The following MTMR3 variants were observed in gnomAD, a reference collection of about 807,000 sequenced individuals.
The protein encoded by MTMR3 is myotubularin related protein 3, also known as phosphatidylinositol-3,5-bisphosphate 3-phosphatase MTMR3.
A neutral mutation model predicts 132.4 loss-of-function variants in MTMR3; 32 were observed. The ratio of observed to expected loss-of-function variants is 0.24; its 90% confidence interval spans 0.18 to 0.32. The LOEUF (loss-of-function observed/expected upper bound fraction) is 0.32, where lower values mean the gene tolerates loss of function less well. MTMR3 is among the 10% of genes least tolerant of loss of function. MTMR3 has a pLI of 1.00. For missense variants in MTMR3, 1,216 were observed against 1,489.6 expected, an observed-to-expected ratio of 0.82 and a Z score of 3.02; for synonymous variants, 556 against 550.3, an observed-to-expected ratio of 1.01 and a Z score of -0.14.
At chr22:29,953,578 G>A (rs2066124890) in intron 1 of MTMR3, among the ~76,000 whole-genome samples, 1 of 152,134 alleles carries the variant, frequency 6.6e-6, no homozygotes. Flanking sequence ...TCCAGTGAAA[G>A]CTGCATGATG....
chr22:29,928,171 C>CTTT (rs66896756), intron 1 of MTMR3, among the ~76,000 whole-genome samples: 10 of 107,700 alleles, frequency 9.3e-5, no homozygotes, highest in African/African-American at 2.9e-4. Context: ...TTTTTTTTTT[C>CTTT]TTTTTTTTTT....
At chr22:29,894,599 A>G (rs1468995658) in intron 1 of MTMR3, among the ~76,000 whole-genome samples, 1 of 151,768 alleles carries the variant, frequency 6.6e-6, no homozygotes, top group African/African-American at 2.4e-5. Context: ...GGTTTATATT[A>G]ATACATCTAA....
rs562172828 is a variant in MTMR3 at position 29,906,524 on chromosome 22, C to T, written c.-138+23165C>T. ...TTTTTTTTTGTATTTTTAATAGAGA[C>T]GGAGTTTCACCATGTTGGCCAGGCT... On this transcript the variant is annotated intron_variant, in intron 1 of 19. Coordinates refer to ENST00000401950, the MANE Select transcript of MTMR3 (RefSeq NM_021090.4). Among the ~76,000 whole-genome samples, 88 of 151,546 alleles carry T rather than the reference C, an allele frequency of 5.8e-4. 1 individual carries two copies. The highest frequency in any genetic ancestry group is 1.9e-3 in the African/African-American group (80 of 41,308).
At chr22:29,922,039 T>G (rs1043506772) in intron 1 of MTMR3, among the ~76,000 whole-genome samples, 1 of 151,786 alleles carries the variant, frequency 6.6e-6, no homozygotes, top group Non-Finnish European at 1.5e-5. Context: ...TCTTTTTTTT[T>G]TTTTGAGATG....
intron 1 of MTMR3, among the ~76,000 whole-genome samples, chr22:29,952,345 A>G (rs1277758374): frequency 6.6e-6 from 1 of 152,058 alleles, no homozygotes; most frequent in East Asian, 1.9e-4. Flanking sequence ...GGAACCCTGA[A>G]AACTTCCAGA....
At chr22:29,978,561 T>TA in intron 4 of MTMR3, 30 bp downstream of exon 4, 2 of 1,555,594 alleles carry the variant, frequency 1.3e-6, no homozygotes, top group Non-Finnish European at 1.8e-6. Context: ...AAATGTAAAA[T>TA]ATTTATTTAG....
intron 2 of MTMR3, among the ~76,000 whole-genome samples, chr22:29,964,281 A>AC (rs1272195085): frequency 6.6e-6 from 1 of 152,178 alleles, no homozygotes; most frequent in Non-Finnish European, 1.5e-5. Flanking sequence ...GCTGTAATGA[A>AC]CCCTGAATAT....
At chr22:30,007,386 C>T in intron 10 of MTMR3, 67 bp downstream of exon 10, 1 of 1,439,386 alleles carries the variant, frequency 6.9e-7, no homozygotes, top group East Asian at 2.3e-5. Context: ...TTGAAATGGC[C>T]TCTTCCTTAC....
At chr22:29,970,641 T>C (rs1428501396) in intron 2 of MTMR3, among the ~76,000 whole-genome samples, 2 of 151,768 alleles carry the variant, frequency 1.3e-5, no homozygotes, top group Admixed American at 6.6e-5. Context: ...GCCTGGCCTG[T>C]AGGTTGATTT....
Position 30,002,868 on chromosome 22 carries a change from T to A in MTMR3, c.558-12T>A. ...TCCCCTTGACTCTCCCCACTTCTCA[T>A]CTTCTCTTTAGATTATGTGGTAGCT... On this transcript the variant is annotated splice_polypyrimidine_tract_variant and intron_variant, in intron 8 of 19. Coordinates refer to ENST00000401950, the MANE Select transcript of MTMR3 (RefSeq NM_021090.4). 1 of 1,605,072 alleles carries A rather than the reference T, an allele frequency of 6.2e-7. No individual in the cohort carries two copies. The highest frequency in any genetic ancestry group is 1.1e-5 in the South Asian group (1 of 90,820).
intron 1 of MTMR3, among the ~76,000 whole-genome samples, chr22:29,919,340 C>G (rs548696074): frequency 1.2e-4 from 19 of 152,178 alleles, no homozygotes; most frequent in Admixed American, 4.6e-4. Context: ...GGATTTCTCA[C>G]GTATCTGGTG....
intron 5 of MTMR3, chr22:29,982,121 A>G (rs1350856219): frequency 2.0e-5 from 3 of 147,910 alleles, no homozygotes; most frequent in Non-Finnish European, 3.0e-5. Flanking sequence ...AGTCAGGAGA[A>G]TGGCGTGAAC....
At chr22:29,949,668 C>T (rs373627044) in intron 1 of MTMR3, among the ~76,000 whole-genome samples, 1 of 151,838 alleles carries the variant, frequency 6.6e-6, no homozygotes, top group African/African-American at 2.4e-5. Context: ...TTTTTGAGAA[C>T]CTGTTTTTAA....
At position 30,018,223 on chromosome 22, in the gene MTMR3, AT is replaced by A. The variant is rs572438659; in HGVS notation, c.1820+154del. On this transcript the variant is annotated intron_variant, in intron 16 of 19. Transcript: ENST00000401950. ...CAGTTTTTTCAGGGAAGTTATAGGGATTTCTGAGCTACGAGGCTGTAAGATC... is the reference window on the plus strand; with the variant it reads ...CAGTTTTTTCAGGGAAGTTATAGGGATTCTGAGCTACGAGGCTGTAAGATC... 595 of 834,368 alleles carry A rather than the reference AT, an allele frequency of 7.1e-4. 5 individuals carry two copies. The African/African-American group carries it at 0.01, about 14-fold the overall frequency. 51.7% of individuals were successfully genotyped at this position (834,368 alleles called of 1,614,324 possible).
rs1159749194 is a variant in MTMR3, at chr22:29,949,143, ACCCCCCCCCCC to A, written c.-137-7886_-137-7876del. Reference sequence around the variant, plus strand: ...CACACACACACACACACACACACACACCCCCCCCCCCCCCCCCGAGGCCCTGTCTTAAAACA... The same window carrying A: ...CACACACACACACACACACACACACACCCCCCGAGGCCCTGTCTTAAAACA... On this transcript the variant is annotated intron_variant, in intron 1 of 19. Coordinates refer to ENST00000401950, the MANE Select transcript of MTMR3 (RefSeq NM_021090.4). Among the ~76,000 whole-genome samples, 25 of 14,672 alleles carry A rather than the reference ACCCCCCCCCCC, an allele frequency of 1.7e-3. 1 individual carries two copies. Among genetic ancestry groups the A allele is most frequent in the African/African-American group, 5.4e-3 (18 of 3,340 alleles). 9.6% of individuals were successfully genotyped at this position (14,672 alleles called of 152,430 possible).
In MTMR3 at chr22:29,906,282, G is replaced by GTCTA. The variant is rs1330766461; in HGVS notation, c.-138+22926_-138+22927insATCT. 7.4e-3 allele frequency among the ~76,000 whole-genome samples: 654 copies of GTCTA among 87,798 alleles called. 1 individual carries two copies. The highest frequency in any genetic ancestry group is 0.01 in the Non-Finnish European group (460 of 44,306). The allele number at this position is 87,798 out of a possible 152,430, so 57.6% of individuals were successfully genotyped here. On this transcript the variant is annotated intron_variant, in intron 1 of 19. Transcript: ENST00000401950. ...TGTCTGTCTGTCTGTCTGTCTGTCTGTCTGTCTATCTATCTATCTATCTAT... is the reference window on the plus strand; with the variant it reads ...TGTCTGTCTGTCTGTCTGTCTGTCTGTCTATCTGTCTATCTATCTATCTATCTAT...
intron 1 of MTMR3, among the ~76,000 whole-genome samples, chr22:29,884,525 A>G (rs1190245424): frequency 2.2e-5 from 3 of 138,816 alleles, no homozygotes; most frequent in Non-Finnish European, 4.6e-5. Context: ...TGACTTGGGT[A>G]GGCTAGAAGA....
chr22:29,925,158 C>T (rs1000609293), intron 1 of MTMR3, among the ~76,000 whole-genome samples: 3 of 152,160 alleles, frequency 2.0e-5, no homozygotes, highest in African/African-American at 7.2e-5. Flanking sequence ...TTATCCTCCC[C>T]AGTAGCTGGG....
intron 1 of MTMR3, among the ~76,000 whole-genome samples, chr22:29,884,712 G>A (rs1213241232): frequency 1.3e-5 from 2 of 151,970 alleles, no homozygotes; most frequent in Non-Finnish European, 2.9e-5. Context: ...ACAAGTGTGC[G>A]CCACCACGGC....
Sources: gnomAD v4.1 joint callset for allele counts (sites outside exome capture counted in the v4.1 genomes callset) on GRCh38, gnomAD v4.1.1 for gene constraint, MANE v1.5 for transcripts, NCBI Gene and HGNC (gene_info 2026-07-23, HGNC 2026-07-21) for gene names.